Variants in CDC42SE2 observed in about 807,000 individuals in gnomAD.
The protein encoded by CDC42SE2 is CDC42 small effector protein 2.
Under a neutral mutation model 11.5 loss-of-function variants are expected in CDC42SE2, and 3 were observed. That is an observed-to-expected ratio of 0.26 (90% CI 0.12 to 0.67). CDC42SE2 has a LOEUF of 0.67. CDC42SE2 is among the 30% of genes least tolerant of loss of function. The pLI is 0.80. For synonymous variants in CDC42SE2, 33 were observed against 34.8 expected (o/e 0.95, Z 0.18); for missense variants, 82 against 106.8 (o/e 0.77, Z 1.02).
intron 2 of CDC42SE2, among the ~76,000 whole-genome samples, chr5:131,328,285 A>G (rs956852917): frequency 6.6e-6 from 1 of 151,974 alleles, no homozygotes; most frequent in Non-Finnish European, 1.5e-5. Context: ...TCTAATATTA[A>G]TCTTATTCTT....
intron 1 of CDC42SE2, among the ~76,000 whole-genome samples, chr5:131,276,584 A>C (rs2149697895): frequency 6.6e-6 from 1 of 152,260 alleles, no homozygotes; most frequent in Admixed American, 6.5e-5. Flanking sequence ...TTTTTGTATA[A>C]TATGCAATAA....
intron 1 of CDC42SE2, 85 bp downstream of exon 1, chr5:131,264,251 C>A (rs1017917788): frequency 6.6e-6 from 1 of 152,190 alleles, no homozygotes. Flanking sequence ...AAGCCCCGAA[C>A]CCTCGTCCCT....
chr5:131,225,726 C>T, the CDC42SE2 span, among the ~76,000 whole-genome samples: 1 of 152,122 alleles, frequency 6.6e-6, no homozygotes, highest in African/African-American at 2.4e-5. Flanking sequence ...CTCCTCAGGA[C>T]CTATCCCTAC....
chr5:131,357,360 T>C (rs901545848), intron 2 of CDC42SE2, among the ~76,000 whole-genome samples: 5 of 152,264 alleles, frequency 3.3e-5, no homozygotes, highest in African/African-American at 9.6e-5. Context: ...TGCCTTGTTA[T>C]ACTACCCAGA....
At chr5:131,353,378 G>A in intron 2 of CDC42SE2, among the ~76,000 whole-genome samples, 1 of 151,582 alleles carries the variant, frequency 6.6e-6, no homozygotes, top group Non-Finnish European at 1.5e-5. Context: ...ACCTCCTTAG[G>A]TCAAGCAAGT....
chr5:131,233,824 G>A, the CDC42SE2 span, among the ~76,000 whole-genome samples: 20 of 152,070 alleles, frequency 1.3e-4, no homozygotes, highest in African/African-American at 4.8e-4. Flanking sequence ...CTTATATTCT[G>A]CCTCATTAAA....
At chr5:131,306,289 T>A (rs1459664827) in intron 1 of CDC42SE2, among the ~76,000 whole-genome samples, 3 of 152,176 alleles carry the variant, frequency 2.0e-5, no homozygotes, top group Admixed American at 1.3e-4. Context: ...CTAGGGTTCC[T>A]ATCTGCAGGG....
At chr5:131,291,541 A>G (rs1184687752) in intron 1 of CDC42SE2, among the ~76,000 whole-genome samples, 4 of 152,156 alleles carry the variant, frequency 2.6e-5, no homozygotes, top group Non-Finnish European at 5.9e-5. Flanking sequence ...AAAAGACTAA[A>G]TATAATATTA....
At chr5:131,225,189 A>T in the CDC42SE2 span, among the ~76,000 whole-genome samples, 1 of 152,222 alleles carries the variant, frequency 6.6e-6, no homozygotes, top group Non-Finnish European at 1.5e-5. Context: ...CTCTTGATTC[A>T]TGACACTATG....
At chr5:131,361,007 T>C (rs1426576870) in intron 3 of CDC42SE2, among the ~76,000 whole-genome samples, 2 of 151,564 alleles carry the variant, frequency 1.3e-5, no homozygotes, top group East Asian at 1.9e-4. Flanking sequence ...ATTATATTTT[T>C]CTTTATTTTT....
At chr5:131,298,199 T>A (rs1357780061) in intron 1 of CDC42SE2, among the ~76,000 whole-genome samples, 2 of 151,506 alleles carry the variant, frequency 1.3e-5, no homozygotes, top group East Asian at 3.9e-4. Flanking sequence ...GCCTCCTGGG[T>A]TCAAGCGGTT....
At chr5:131,241,847 T>C (rs761408385), upstream of CDC42SE2, among the ~76,000 whole-genome samples, 1 of 116,562 alleles carries the variant, frequency 8.6e-6, no homozygotes, top group Non-Finnish European at 1.9e-5. Context: ...CACTTCCTAG[T>C]CCTTTTGCCT....
At chr5:131,348,591 C>A (rs1758916126) in intron 2 of CDC42SE2, among the ~76,000 whole-genome samples, 1 of 152,070 alleles carries the variant, frequency 6.6e-6, no homozygotes, top group South Asian at 2.1e-4. Flanking sequence ...GATTCAATGC[C>A]ATCCCCATCA....
At chr5:131,313,101 G>A (rs1757964705) in intron 1 of CDC42SE2, among the ~76,000 whole-genome samples, 1 of 151,842 alleles carries the variant, frequency 6.6e-6, no homozygotes, top group African/African-American at 2.4e-5. Context: ...TGCTGCCTCA[G>A]CCTCCCTTGT....
rs141983910 is a variant in CDC42SE2 at position 131,374,231 on chromosome 5, T to C, written c.55-11312T>C. 3.7e-3 allele frequency among the ~76,000 whole-genome samples: 557 copies of C among 152,278 alleles called. 1 individual carries two copies. Among genetic ancestry groups the C allele is most frequent in the Middle Eastern group, 0.017 (5 of 294 alleles). On this transcript the variant is annotated intron_variant, in intron 3 of 4. Coordinates refer to ENST00000505065, the MANE Select transcript of CDC42SE2 (RefSeq NM_001375635.1). The stretch of plus-strand genomic sequence containing the variant: ...AGTCACTTAGCTATTTAATCGGTTA[T>C]ACCACGAGATACTTATGGAGGGTAT...
At chr5:131,344,049 T>C (rs1484293918) in intron 2 of CDC42SE2, among the ~76,000 whole-genome samples, 1 of 152,140 alleles carries the variant, frequency 6.6e-6, no homozygotes, top group East Asian at 1.9e-4. Flanking sequence ...AGTAGGTTGA[T>C]GTCAAGATGG....
At chr5:131,315,368 G>T (rs1758020054) in intron 1 of CDC42SE2, among the ~76,000 whole-genome samples, 1 of 152,138 alleles carries the variant, frequency 6.6e-6, no homozygotes, top group African/African-American at 2.4e-5. Flanking sequence ...AGAGAAACAT[G>T]CTTGGCTGTG....
chr5:131,257,459 A>T (rs1756687222), intron 2 of CDC42SE2, among the ~76,000 whole-genome samples: 1 of 149,678 alleles, frequency 6.7e-6, no homozygotes, highest in Non-Finnish European at 1.5e-5. Flanking sequence ...AAGTGGCAAG[A>T]TTTCTGTTCC....
chr5:131,389,745 C>T (rs1187122159), intron 4 of CDC42SE2, among the ~76,000 whole-genome samples: 1 of 152,050 alleles, frequency 6.6e-6, no homozygotes, highest in African/African-American at 2.4e-5. Flanking sequence ...TAGATGATGC[C>T]CCGGTTCCTT....
Sources: allele counts gnomAD v4.1 joint callset (sites outside exome capture counted in the v4.1 genomes callset), GRCh38; gene constraint gnomAD v4.1.1; transcripts MANE v1.5; gene names NCBI Gene and HGNC (gene_info 2026-07-23, HGNC 2026-07-21).